The following HPSE2 variants were observed in gnomAD, a reference collection of about 807,000 sequenced individuals.
HPSE2 encodes inactive heparanase-2.
In HPSE2, 38 loss-of-function variants were observed where a neutral mutation model predicts 60.5. That is an observed-to-expected ratio of 0.63 (90% CI 0.48 to 0.82). The LOEUF (loss-of-function observed/expected upper bound fraction) is 0.82, where lower values mean the gene tolerates loss of function less well. Among genes scored for constraint, HPSE2 ranks in the 40% least tolerant of loss-of-function variants. The pLI is 0.00. For synonymous variants in HPSE2, 295 were observed against 293.2 expected (o/e 1.01, Z -0.06); for missense variants, 713 against 740.4 (o/e 0.96, Z 0.43).
intron 6 of HPSE2, among the ~76,000 whole-genome samples, chr10:98,680,766 A>AT (rs1317000729): frequency 2.0e-5 from 3 of 151,970 alleles, no homozygotes; most frequent in Non-Finnish European, 4.4e-5. Context: ...TGTTATTTTT[A>AT]TTTTTTTGAG....
chr10:99,135,009 C>T (rs933950006), intron 3 of HPSE2, among the ~76,000 whole-genome samples: 3 of 151,836 alleles, frequency 2.0e-5, no homozygotes, highest in African/African-American at 7.3e-5. Context: ...TCAAAATAAA[C>T]GGATGGAGGA....
At chr10:98,888,036 T>G (rs892082199) in intron 3 of HPSE2, among the ~76,000 whole-genome samples, 12 of 151,808 alleles carry the variant, frequency 7.9e-5, no homozygotes, top group Non-Finnish European at 2.9e-5. Flanking sequence ...TGTATACCTT[T>G]AAATAACATA....
At chr10:98,538,789 ATC>A (rs1482132032) in intron 9 of HPSE2, among the ~76,000 whole-genome samples, 1 of 152,180 alleles carries the variant, frequency 6.6e-6, no homozygotes, top group African/African-American at 2.4e-5. Flanking sequence ...ACATATATTC[ATC>A]TCTAGAGAAC....
chr10:99,061,233 G>A (rs767590174), intron 3 of HPSE2, among the ~76,000 whole-genome samples: 33 of 152,094 alleles, frequency 2.2e-4, no homozygotes, highest in Non-Finnish European at 3.7e-4. Flanking sequence ...AAGAGGTGGT[G>A]CATCAGATCT....
chr10:98,776,017 C>T (rs1026542994), intron 3 of HPSE2, among the ~76,000 whole-genome samples: 1 of 152,114 alleles, frequency 6.6e-6, no homozygotes, highest in Non-Finnish European at 1.5e-5. Context: ...CCTCCTCAGT[C>T]CCCACAACCA....
At chr10:98,815,287 A>T (rs535601433) in intron 3 of HPSE2, among the ~76,000 whole-genome samples, 1 of 152,298 alleles carries the variant, frequency 6.6e-6, no homozygotes, top group Non-Finnish European at 1.5e-5. Context: ...ACCTCGAAAA[A>T]AATCAGTTTG....
At chr10:98,587,209 A>G (rs1362150341) in intron 9 of HPSE2, among the ~76,000 whole-genome samples, 1 of 152,166 alleles carries the variant, frequency 6.6e-6, no homozygotes, top group Non-Finnish European at 1.5e-5. Context: ...TTTCATTTGA[A>G]TGACTTGTTT....
intron 11 of HPSE2, among the ~76,000 whole-genome samples, chr10:98,466,610 C>CAA (rs397965207): frequency 3.0e-4 from 24 of 78,976 alleles, no homozygotes; most frequent in African/African-American, 7.9e-4. Context: ...GACTCCGTCT[C>CAA]AAAAAAAAAA....
At chr10:98,863,497 C>A (rs1281898822) in intron 3 of HPSE2, among the ~76,000 whole-genome samples, 1 of 152,140 alleles carries the variant, frequency 6.6e-6, no homozygotes, top group Admixed American at 6.5e-5. Flanking sequence ...ACTGTGATTT[C>A]TTGGCTCCTC....
intron 3 of HPSE2, among the ~76,000 whole-genome samples, chr10:99,068,865 C>G (rs912317408): frequency 8.5e-5 from 13 of 152,158 alleles, no homozygotes; most frequent in Non-Finnish European, 1.8e-4. Flanking sequence ...AATTAGACAA[C>G]TTGGGTGAAA....
rs1016099878 is a variant in HPSE2 at position 98,986,394 on chromosome 10, T to G, written c.610+157844A>C. Among the ~76,000 whole-genome samples, 38 of 151,200 alleles carry G rather than the reference T, an allele frequency of 2.5e-4. 1 individual carries two copies. Among genetic ancestry groups the G allele is most frequent in the Admixed American group, 1.3e-4 (2 of 15,146 alleles). On this transcript the variant is annotated intron_variant, in intron 3 of 11. Coordinates refer to ENST00000370552, the MANE Select transcript of HPSE2 (RefSeq NM_021828.5). ...GAACAACCTGCTCCTGAATGACTACTGGGTACATAACGAAATGAAGGCAGA... is the reference window on the plus strand; with the variant it reads ...GAACAACCTGCTCCTGAATGACTACGGGGTACATAACGAAATGAAGGCAGA...
chr10:98,894,591 G>C (rs990208511), intron 3 of HPSE2, among the ~76,000 whole-genome samples: 1 of 151,962 alleles, frequency 6.6e-6, no homozygotes, highest in African/African-American at 2.4e-5. Context: ...AACATGCATA[G>C]AAAGTCAAAG....
intron 3 of HPSE2, among the ~76,000 whole-genome samples, chr10:99,142,529 A>AT (rs1348980499): frequency 1.3e-5 from 2 of 152,216 alleles, no homozygotes; most frequent in African/African-American, 4.8e-5. Flanking sequence ...CTGCACAGGC[A>AT]TTTGGGTGAA....
intron 3 of HPSE2, among the ~76,000 whole-genome samples, chr10:98,861,951 C>T (rs1952468111): frequency 6.6e-6 from 1 of 152,118 alleles, no homozygotes; most frequent in Admixed American, 6.6e-5. Context: ...TATAGGCCCT[C>T]TAGCGTTTGC....
chr10:99,261,280 A>G, the HPSE2 span, among the ~76,000 whole-genome samples: 1 of 151,996 alleles, frequency 6.6e-6, no homozygotes, highest in South Asian at 2.1e-4. Flanking sequence ...AGGCCGAGCC[A>G]GGTCCCAATT....
At chr10:98,528,623 A>G (rs1425216062) in intron 9 of HPSE2, among the ~76,000 whole-genome samples, 1 of 152,176 alleles carries the variant, frequency 6.6e-6, no homozygotes, top group African/African-American at 2.4e-5. Context: ...TTGACTGGTA[A>G]ATGAAAGGAA....
chr10:98,902,160 T>C (rs1218918529), intron 3 of HPSE2, among the ~76,000 whole-genome samples: 1 of 151,952 alleles, frequency 6.6e-6, no homozygotes, highest in Non-Finnish European at 1.5e-5. Context: ...AGGCAAACAA[T>C]AAAGGAAAAA....
intron 6 of HPSE2, among the ~76,000 whole-genome samples, chr10:98,684,530 AAAATGT>A (rs1947863927): frequency 1.3e-5 from 2 of 152,214 alleles, no homozygotes; most frequent in Non-Finnish European, 2.9e-5. Context: ...CATAGTAACA[AAAATGT>A]AAACCATAAA....
intron 2 of HPSE2, among the ~76,000 whole-genome samples, chr10:99,182,182 GA>G (rs1297052309): frequency 2.0e-5 from 3 of 152,224 alleles, no homozygotes; most frequent in African/African-American, 7.2e-5. Flanking sequence ...AATTTTAAAA[GA>G]GACCTCTTTA....
Sources: gnomAD v4.1 joint callset for allele counts (sites outside exome capture counted in the v4.1 genomes callset) on GRCh38, gnomAD v4.1.1 for gene constraint, MANE v1.5 for transcripts, NCBI Gene and HGNC (gene_info 2026-07-23, HGNC 2026-07-21) for gene names.